Variants in NUP153 observed in about 807,000 individuals in gnomAD.
NUP153 encodes nuclear pore complex protein Nup153.
NUP153 carries 27 observed loss-of-function variants against 134.6 expected under a neutral mutation model. The observed-to-expected ratio is 0.20, with a 90% CI of 0.15 to 0.28. The LOEUF (loss-of-function observed/expected upper bound fraction) is 0.28. NUP153 is among the 10% of genes least tolerant of loss of function. The pLI is 1.00. For synonymous variants in NUP153, 640 were observed against 623.5 expected, an observed-to-expected ratio of 1.03 and a Z score of -0.40; for missense variants, 1,821 against 1,731.3, an observed-to-expected ratio of 1.05 and a Z score of -0.92.
At chr6:17,654,660 A>C (rs1216289711) in intron 11 of NUP153, among the ~76,000 whole-genome samples, 1 of 152,102 alleles carries the variant, frequency 6.6e-6, no homozygotes, top group African/African-American at 2.4e-5. Flanking sequence ...TACTCCCCCA[A>C]ATTTTGACTT....
chr6:17,699,516 C>G (rs1158983721), intron 1 of NUP153, among the ~76,000 whole-genome samples: 3 of 144,860 alleles, frequency 2.1e-5, no homozygotes, highest in Non-Finnish European at 3.0e-5. Context: ...AAGATAATTA[C>G]AATCTTTGCA....
chr6:17,660,540 A>G (rs1056277592), intron 11 of NUP153, among the ~76,000 whole-genome samples: 1 of 151,728 alleles, frequency 6.6e-6, no homozygotes, highest in African/African-American at 2.4e-5. Context: ...ACTCTTTCTA[A>G]TAATAAATTA....
In NUP153 at chr6:17,629,515, G is replaced by A. The variant is rs771180496; in HGVS notation, c.2684C>T (p.Ser895Leu). The A allele has an allele frequency of 1.2e-5, 19 of 1,596,430 alleles. No individual in the cohort carries two copies. The highest frequency in any genetic ancestry group is 1.1e-4 in the Admixed American group (6 of 54,488). Residue 895 changes from serine to leucine, a missense_variant, in exon 18 of 22, where the codon TCG becomes TTG. Physicochemically the swap from Ser to Leu is moderately radical, Grantham distance 145 (BLOSUM62 -2). Coordinates refer to ENST00000262077, the MANE Select transcript of NUP153 (RefSeq NM_005124.4). ...FKGFDTSSSS[S>L]NSAASSSFKF... The stretch of plus-strand genomic sequence containing the variant: ...GAAGGATGAGGAGGCTGCTGAGTTC[G>A]AAGATGAGGAAGATGTGTCAAAGCC...
chr6:17,659,372 A>G (rs1767036455), intron 11 of NUP153, among the ~76,000 whole-genome samples: 1 of 152,250 alleles, frequency 6.6e-6, no homozygotes, highest in South Asian at 2.1e-4. Context: ...GAGCCTAGTT[A>G]AATAATGATT....
At chr6:17,677,152 G>C (rs1342308016) in intron 2 of NUP153, among the ~76,000 whole-genome samples, 1 of 152,182 alleles carries the variant, frequency 6.6e-6, no homozygotes, top group African/African-American at 2.4e-5. Context: ...AGGGGAGACA[G>C]AGCTTGGAGG....
chr6:17,650,790 A>G (rs1156794195), intron 11 of NUP153, among the ~76,000 whole-genome samples: 1 of 152,200 alleles, frequency 6.6e-6, no homozygotes, highest in Non-Finnish European at 1.5e-5. Context: ...ATTTAACTAT[A>G]TAAAGCAAAA....
At chr6:17,631,349 T>C (rs1218617874) in intron 17 of NUP153, among the ~76,000 whole-genome samples, 1 of 152,214 alleles carries the variant, frequency 6.6e-6, no homozygotes, top group Non-Finnish European at 1.5e-5. Context: ...TAAAGCTTGC[T>C]ATTATTTTTG....
intron 1 of NUP153, among the ~76,000 whole-genome samples, chr6:17,693,099 T>C (rs1769381801): frequency 6.6e-6 from 1 of 152,134 alleles, no homozygotes. Context: ...GCCATGATTT[T>C]CACCTATACT....
At position 17,629,297 on chromosome 6, in the gene NUP153, T is replaced by C. The variant is rs1443808627; in HGVS notation, c.2902A>G (p.Lys968Glu). Residue 968 changes from lysine (K) to glutamate (E), a missense_variant, in exon 18 of 22, where the codon AAG becomes GAG. By Grantham distance (56) the Lys-to-Glu change is moderately conservative. Coordinates refer to ENST00000262077, the MANE Select transcript of NUP153 (RefSeq NM_005124.4). ...DFKFGVSSES[K>E]PEEVKKDSKN... ...CTATCTTTTTTAACTTCTTCGGGCT[T>C]AGATTCAGATGAAACTCCAAATTTA... 3 of 1,608,556 alleles carry C rather than the reference T, an allele frequency of 1.9e-6. No individual in the cohort carries two copies. The highest frequency in any genetic ancestry group is 2.2e-5 in the South Asian group (2 of 89,490).
intron 2 of NUP153, among the ~76,000 whole-genome samples, chr6:17,687,574 C>G (rs576209941): frequency 6.6e-6 from 1 of 152,274 alleles, no homozygotes; most frequent in Non-Finnish European, 1.5e-5. Context: ...ACCATTCTTT[C>G]AGGGCCATTT....
At position 17,684,429 on chromosome 6, in the gene NUP153, T is replaced by G. The variant is rs1396816741; in HGVS notation, c.334+3967A>C. Reference sequence around the variant, plus strand: ...GCAGCTTTATCATCTCCCTCAGACTTCACAGAACTGAAGGGAGTTAGGGCT... The same window carrying G: ...GCAGCTTTATCATCTCCCTCAGACTGCACAGAACTGAAGGGAGTTAGGGCT... On this transcript the variant is annotated intron_variant, in intron 2 of 21. Transcript: ENST00000262077. 2.0e-5 allele frequency among the ~76,000 whole-genome samples: 3 copies of G among 152,226 alleles called. No individual in the cohort carries two copies. The East Asian group carries it at 5.8e-4, about 29-fold the overall frequency.
intron 1 of NUP153, among the ~76,000 whole-genome samples, chr6:17,701,836 G>GGGGT (rs1770112457): frequency 9.4e-6 from 1 of 106,412 alleles, no homozygotes; most frequent in Non-Finnish European, 2.0e-5. Context: ...CTGTCTCGGG[G>GGGGT]GGGGGGGGAA....
At chr6:17,698,140 C>T (rs1769786239) in intron 1 of NUP153, among the ~76,000 whole-genome samples, 1 of 152,196 alleles carries the variant, frequency 6.6e-6, no homozygotes, top group Admixed American at 6.5e-5. Flanking sequence ...ATCTTATTCT[C>T]CCAGGGAGCA....
At chr6:17,697,530 T>C (rs1333872594) in intron 1 of NUP153, among the ~76,000 whole-genome samples, 1 of 151,956 alleles carries the variant, frequency 6.6e-6, no homozygotes, top group Non-Finnish European at 1.5e-5. Flanking sequence ...CATTAAAAAA[T>C]GCAAAAATTA....
Position 17,637,383 on chromosome 6 carries a change from C to T in NUP153, c.2234G>A (p.Cys745Tyr). The change falls in exon 16 of 22, where the codon TGT becomes TAT. Residue 745 changes from cysteine (C) to tyrosine (Y), a missense_variant. Cys to Tyr is a radical substitution (Grantham distance 194). Transcript: ENST00000262077. ...ACAAGTTCCAGGTTTCGGTGTTTCA[C>T]AGGCTACACATTTTATTGCTTCAGG... ...NKPEAIKCVA[C>Y]ETPKPGTCVK... 6.2e-7 allele frequency: 1 copy of T among 1,614,244 alleles called. No homozygotes were observed. The highest frequency in any genetic ancestry group is 8.5e-7 in the Non-Finnish European group (1 of 1,180,050).
chr6:17,618,666 C>T (rs927032808), intron 20 of NUP153, among the ~76,000 whole-genome samples: 8 of 151,546 alleles, frequency 5.3e-5, no homozygotes, highest in African/African-American at 4.9e-5. Flanking sequence ...CCCGAGTTCA[C>T]GCCATTCTCC....
In NUP153 at chr6:17,650,122, T is replaced by C. The variant is rs141965188; in HGVS notation, c.1396-822A>G. ...AGCTTCTACCTGATAAACGTTTAGA[T>C]ATATGATAAACTCTGGAAAAAAGTA... On this transcript the variant is annotated intron_variant, in intron 11 of 21. Coordinates refer to ENST00000262077, the MANE Select transcript of NUP153 (RefSeq NM_005124.4). 2.0e-5 allele frequency among the ~76,000 whole-genome samples: 3 copies of C among 152,314 alleles called. No individual in the cohort carries two copies. The East Asian group carries it at 5.8e-4, about 29-fold the overall frequency.
At position 17,637,524 on chromosome 6, in the gene NUP153, T is replaced by G. The variant is rs2113784436; in HGVS notation, c.2093A>C (p.Glu698Ala). 1 of 1,614,248 alleles carries G rather than the reference T, an allele frequency of 6.2e-7. No individual in the cohort carries two copies. The change falls in exon 16 of 22, where the codon GAA becomes GCA. Residue 698 changes from glutamate to alanine, a missense_variant. Transcript: ENST00000262077. ...PRDTAKQTGI[E>A]TPNKSGKTTL... is the part of the protein sequence containing the mutation. ...TGTTTTGCCACTTTTATTTGGTGTT[T>G]CAATTCCAGTCTGTTTAGCAGTATC...
Position 17,675,852 on chromosome 6 carries a change from C to T in NUP153, c.335-82G>A, listed in dbSNP as rs1305859172. 31 of 1,303,242 alleles carry T rather than the reference C, an allele frequency of 2.4e-5. No individual in the cohort carries two copies. Among genetic ancestry groups the T allele is most frequent in the Non-Finnish European group, 3.1e-5 (28 of 903,006 alleles). The allele number at this position is 1,303,242 out of a possible 1,614,324, so 80.7% of individuals were successfully genotyped here. On this transcript the variant is annotated intron_variant, in intron 2 of 21. Coordinates refer to ENST00000262077, the MANE Select transcript of NUP153 (RefSeq NM_005124.4). This position sits in a 1 kb window ranked among gnomAD's most constrained non-coding sequence, Gnocchi z 4.4. ...AAATGGTTTTTACTTTAAGAAAACA[C>T]ATTACAGTATATAATAGCTTCAATT...
Sources: allele counts gnomAD v4.1 joint callset (sites outside exome capture counted in the v4.1 genomes callset), GRCh38; gene constraint gnomAD v4.1.1; non-coding constraint Gnocchi (gnomAD v3.1); transcripts MANE v1.5; gene names NCBI Gene and HGNC (gene_info 2026-07-23, HGNC 2026-07-21).